Variants in CABYR observed in about 807,000 individuals in gnomAD.
CABYR encodes calcium-binding tyrosine phosphorylation-regulated protein.
CABYR carries 31 observed loss-of-function variants against 36.1 expected under a neutral mutation model. The observed-to-expected ratio is 0.86, with a 90% CI of 0.64 to 1.16. CABYR has a LOEUF of 1.16. Ranked by LOEUF, CABYR falls within the 50% of genes most tolerant of loss-of-function variation. The pLI, the probability that CABYR is intolerant of heterozygous loss-of-function variation, is 0.00. For synonymous variants in CABYR, 146 were observed against 160.7 expected (o/e 0.91, Z 0.69); for missense variants, 429 against 455.8 (o/e 0.94, Z 0.53).
At chr18:24,153,028 A>G (rs1271536139) in intron 3 of CABYR, among the ~76,000 whole-genome samples, 1 of 152,206 alleles carries the variant, frequency 6.6e-6, no homozygotes, top group African/African-American at 2.4e-5. Context: ...CTGGGGTGCC[A>G]GAGGGTATTT....
intron 4 of CABYR, among the ~76,000 whole-genome samples, chr18:24,157,465 GAGTC>G (rs1712803065): frequency 6.6e-6 from 1 of 152,148 alleles, no homozygotes; most frequent in Non-Finnish European, 1.5e-5. Context: ...CTTTCACACT[GAGTC>G]AGGAGAGCTC....
chr18:24,151,788 C>A (rs960674438), intron 3 of CABYR, among the ~76,000 whole-genome samples: 5 of 151,370 alleles, frequency 3.3e-5, no homozygotes, highest in Admixed American at 1.3e-4. Flanking sequence ...CTCCCGGGCT[C>A]AAGCAATTCT....
At chr18:24,154,608 A>G (rs2085725998) in intron 3 of CABYR, among the ~76,000 whole-genome samples, 1 of 152,228 alleles carries the variant, frequency 6.6e-6, no homozygotes, top group Non-Finnish European at 1.5e-5. Flanking sequence ...CATGTCTCCA[A>G]AGTTTTGACT....
In CABYR at chr18:24,159,602, C is replaced by T; in HGVS notation, c.672C>T (p.Thr224=). ...CACCTGGGCCTTTTCCCCAAGCAAC[C>T]CTCTATTTACCTAATCCTAAGGATC... The part of the protein sequence containing the change: ...PPAPGPFPQA[T]LYLPNPKDPQ... The change falls in exon 5 of 6, where the codon ACC becomes ACT. Residue 224 remains threonine, a synonymous_variant. Coordinates refer to ENST00000399496, the MANE Select transcript of CABYR (RefSeq NM_153769.3). 1 of 1,614,018 alleles carries T rather than the reference C, an allele frequency of 6.2e-7. No homozygotes were observed. Among genetic ancestry groups the T allele is most frequent in the Non-Finnish European group, 8.5e-7 (1 of 1,180,010 alleles).
chr18:24,159,718 T>C lies in CABYR; in HGVS notation c.788T>C (p.Val263Ala). ...ACCAGTGCCCCACCTTTTATCTTAG[T>C]AGGCTCAAATGTTCAGGAAGCACAG... Reference protein sequence around the residue: ...KKTSAPPFILVGSNVQEAQGW... With the variant: ...KKTSAPPFILAGSNVQEAQGW... The change falls in exon 5 of 6, where the codon GTA (valine) becomes GCA (alanine). Residue 263 changes from valine (V) to alanine (A), a missense_variant. Transcript: ENST00000399496. The C allele has an allele frequency of 8.7e-6, 14 of 1,613,866 alleles. No homozygotes were observed. Among genetic ancestry groups the C allele is most frequent in the Non-Finnish European group, 1.1e-5 (13 of 1,179,964 alleles).
intron 3 of CABYR, among the ~76,000 whole-genome samples, chr18:24,155,335 C>A (rs774345429): frequency 5.6e-4 from 86 of 152,300 alleles, no homozygotes; most frequent in Middle Eastern, 6.8e-3. Flanking sequence ...TATTAAGTGT[C>A]ACTTATTTCT....
At chr18:24,159,145 G>A (rs2085878168) in intron 4 of CABYR, among the ~76,000 whole-genome samples, 1 of 152,328 alleles carries the variant, frequency 6.6e-6, no homozygotes, top group East Asian at 1.9e-4. Flanking sequence ...GCTAAAGGTT[G>A]TGTTGACCAG....
intron 3 of CABYR, chr18:24,148,559 TCTCA>T (rs1420108068): frequency 6.2e-6 from 1 of 160,400 alleles, no homozygotes; most frequent in African/African-American, 2.4e-5. Context: ...GGGTTCTTGG[TCTCA>T]CTGACTTTAA....
chr18:24,155,668 T>A (rs1249285466), intron 3 of CABYR, 33 bp from the exon 4 acceptor site: 1 of 1,442,790 alleles, frequency 6.9e-7, no homozygotes. Flanking sequence ...TCTTTTTAGA[T>A]GTTAATTAAC....
chr18:24,156,810 G>C (rs1266324885), intron 4 of CABYR: 2 of 1,614,088 alleles, frequency 1.2e-6, no homozygotes, highest in Admixed American at 1.7e-5. Flanking sequence ...GGAGGAGTCT[G>C]GGGAAAACTC....
chr18:24,157,771 C>CT (rs772040467), intron 4 of CABYR, among the ~76,000 whole-genome samples: 1 of 152,146 alleles, frequency 6.6e-6, no homozygotes, highest in Non-Finnish European at 1.5e-5. Context: ...CATGATGTGA[C>CT]CTTCATCTCC....
At chr18:24,144,800 T>A (rs550893101) in intron 3 of CABYR, among the ~76,000 whole-genome samples, 1 of 152,350 alleles carries the variant, frequency 6.6e-6, no homozygotes, top group South Asian at 2.1e-4. Context: ...AAAAGACTTT[T>A]AAACTAGAAG....
chr18:24,139,818 G>A (rs1599364482), intron 1 of CABYR: 3 of 152,340 alleles, frequency 2.0e-5, no homozygotes, highest in East Asian at 3.9e-4. Context: ...AGTGGGACGG[G>A]GGATCATGGA....
At chr18:24,151,871 G>A (rs2085646300) in intron 3 of CABYR, among the ~76,000 whole-genome samples, 1 of 152,006 alleles carries the variant, frequency 6.6e-6, no homozygotes, top group African/African-American at 2.4e-5. Context: ...TGTATTTTTA[G>A]TAGAGACAGA....
At chr18:24,148,879 CA>C (rs139683868) in intron 3 of CABYR, among the ~76,000 whole-genome samples, 4,163 of 152,076 alleles carry the variant, frequency 0.027, 197 homozygotes, top group African/African-American at 0.096. Context: ...TGAGCAGTGG[CA>C]AAATTTATTG....
chr18:24,144,178 A>G (rs150559839), intron 3 of CABYR, among the ~76,000 whole-genome samples: 3 of 152,240 alleles, frequency 2.0e-5, no homozygotes, highest in South Asian at 2.1e-4. Context: ...GATTATACCT[A>G]TGAGCCACTG....
intron 3 of CABYR, chr18:24,148,813 C>A (rs985208761): frequency 6.5e-6 from 1 of 153,232 alleles, no homozygotes; most frequent in African/African-American, 2.4e-5. Context: ...AGGAGTGAAG[C>A]TGCAGACCTT....
At chr18:24,153,681 G>A (rs1034955029) in intron 3 of CABYR, among the ~76,000 whole-genome samples, 2 of 152,080 alleles carry the variant, frequency 1.3e-5, no homozygotes, top group Admixed American at 6.5e-5. Flanking sequence ...GCTCTCTGCT[G>A]GACTCAAGAA....
intron 4 of CABYR, among the ~76,000 whole-genome samples, chr18:24,158,524 G>T (rs2085857705): frequency 6.6e-6 from 1 of 152,024 alleles, no homozygotes; most frequent in African/African-American, 2.4e-5. Flanking sequence ...CTCCATGTTG[G>T]TCAGGCTGGT....
Sources: allele counts gnomAD v4.1 joint callset (sites outside exome capture counted in the v4.1 genomes callset), GRCh38; gene constraint gnomAD v4.1.1; transcripts MANE v1.5; gene names NCBI Gene and HGNC (gene_info 2026-07-23, HGNC 2026-07-21).